The following ST3GAL2 variants were observed in gnomAD, a reference collection of about 807,000 sequenced individuals.
The protein encoded by ST3GAL2 is ST3 beta-galactoside alpha-2,3-sialyltransferase 2.
ST3GAL2 carries 16 observed loss-of-function variants against 37.5 expected under a neutral mutation model. The ratio of observed to expected loss-of-function variants is 0.43; its 90% CI spans 0.29 to 0.65. The LOEUF is 0.65. ST3GAL2 is among the 30% of genes least tolerant of loss of function. The pLI is 0.17. For missense variants in ST3GAL2, 383 were observed against 487.8 expected (o/e 0.79, Z 2.02); for synonymous variants, 238 against 202.9 (o/e 1.17, Z -1.47).
At chr16:70,398,093 G>T in intron 2 of ST3GAL2, 99 bp downstream of exon 2, 1 of 1,273,960 alleles carries the variant, frequency 7.8e-7, no homozygotes, top group Non-Finnish European at 1.1e-6. Flanking sequence ...GGTCAAACAG[G>T]CATTTTGTCA....
chr16:70,395,736 T>A (rs1167632769), intron 2 of ST3GAL2, among the ~76,000 whole-genome samples: 1 of 151,790 alleles, frequency 6.6e-6, no homozygotes, highest in Non-Finnish European at 1.5e-5. Context: ...CAACTAATGG[T>A]CAAAGACCAT....
intron 5 of ST3GAL2, 82 bp downstream of exon 5, chr16:70,383,108 G>T: frequency 6.3e-7 from 1 of 1,592,012 alleles, no homozygotes. Flanking sequence ...CAGGGGAAAT[G>T]GAACACCTGA....
rs1033354366 is a variant in ST3GAL2 at position 70,435,539 on chromosome 16, G to C, written c.-1004+3410C>G. On this transcript the variant is annotated intron_variant, in intron 1 of 6. Transcript: ENST00000342907. ...CTTGAACCCGGGAGGTGGAGGTTGC[G>C]GTGAGCCGACATCGTGCCATTGCAT... 2.0e-5 allele frequency among the ~76,000 whole-genome samples: 3 copies of C among 151,694 alleles called. No individual in the cohort carries two copies. In the South Asian group the frequency reaches 6.2e-4, roughly 32 times the overall value.
At chr16:70,390,366 C>T (rs2047474590) in intron 3 of ST3GAL2, among the ~76,000 whole-genome samples, 1 of 152,224 alleles carries the variant, frequency 6.6e-6, no homozygotes, top group Non-Finnish European at 1.5e-5. Flanking sequence ...TGACACCAGG[C>T]CTGGCCTTTT....
chr16:70,424,052 C>T (rs1043974990), intron 1 of ST3GAL2, among the ~76,000 whole-genome samples: 8 of 151,364 alleles, frequency 5.3e-5, no homozygotes, highest in African/African-American at 9.7e-5. Context: ...AGTGAGACTT[C>T]GTCTCAAAAA....
intron 1 of ST3GAL2, among the ~76,000 whole-genome samples, chr16:70,413,971 T>A (rs930518701): frequency 6.6e-6 from 1 of 152,166 alleles, no homozygotes; most frequent in Non-Finnish European, 1.5e-5. Context: ...CTTTCTTCCT[T>A]GTGTTCTTGT....
intron 1 of ST3GAL2, among the ~76,000 whole-genome samples, chr16:70,404,851 G>C (rs1334923184): frequency 1.3e-5 from 2 of 152,096 alleles, no homozygotes; most frequent in Non-Finnish European, 2.9e-5. Flanking sequence ...GGCCAACTTG[G>C]TGAAACCCCA....
In ST3GAL2 at chr16:70,394,896, T is replaced by G. The variant is rs890797375; in HGVS notation, c.533+86A>C. ...CACAGCACACCGGTAGCTGGCAGCA[T>G]GCACCCTGCCAGACAAGGCAGAGGA... On this transcript the variant is annotated intron_variant, in intron 3 of 6. Transcript: ENST00000342907. 11 of 1,472,434 alleles carry G rather than the reference T, an allele frequency of 7.5e-6. No homozygotes were observed. The African/African-American group carries it at 1.4e-4, about 19-fold the overall frequency. The allele number at this position is 1,472,434 out of a possible 1,614,324, so 91.2% of individuals were successfully genotyped here. A position where few individuals can be genotyped will look rare whatever the true frequency, so the allele number is the denominator to read the frequency against.
chr16:70,404,527 C>A (rs2047576140), intron 1 of ST3GAL2, among the ~76,000 whole-genome samples: 1 of 152,094 alleles, frequency 6.6e-6, no homozygotes, highest in African/African-American at 2.4e-5. Context: ...GTGGCTGTAA[C>A]CAACAAGACA....
intron 4 of ST3GAL2, among the ~76,000 whole-genome samples, chr16:70,383,503 G>C (rs1453980110): frequency 7.1e-6 from 1 of 140,348 alleles, no homozygotes; most frequent in African/African-American, 2.6e-5. Flanking sequence ...AGTGCGCCGA[G>C]ATCACACCAC....
At chr16:70,408,925 A>AAAAAAAAAAAAAAAAAAAAAAAAC (rs2047615079) in intron 1 of ST3GAL2, among the ~76,000 whole-genome samples, 1 of 133,694 alleles carries the variant, frequency 7.5e-6, no homozygotes, top group Non-Finnish European at 1.6e-5. Context: ...AAAAAAAAAA[A>AAAAAAAAAAAAAAAAAAAAAAAAC]AAGAAAGAAA....
chr16:70,410,969 A>C (rs2047634527), intron 1 of ST3GAL2, among the ~76,000 whole-genome samples: 1 of 152,188 alleles, frequency 6.6e-6, no homozygotes, highest in South Asian at 2.1e-4. Context: ...GGCCAAAGCC[A>C]ACCAGCGCCA....
intron 1 of ST3GAL2, among the ~76,000 whole-genome samples, chr16:70,405,567 G>T (rs926077404): frequency 8.7e-5 from 12 of 137,346 alleles, no homozygotes; most frequent in African/African-American, 3.4e-4. Flanking sequence ...AAAAAAAAAA[G>T]GAAAAAAAGG....
rs1380645485 is a variant in ST3GAL2, at chr16:70,398,512, C to A, written c.19G>T (p.Val7Leu). The change falls in exon 2 of 7, where the codon GTG becomes TTG. Residue 7 changes from valine to leucine, a missense_variant. Physicochemically the swap from Val to Leu is conservative, Grantham distance 32. Around this residue, in one of 2 missense-constraint regions of ST3GAL2, gnomAD observed 223 missense variants for 239.1 expected, o/e 0.93. Transcript: ENST00000342907. Reference sequence around the variant, plus strand: ...AGGAAGGCCACGGAGAGGAACCACACCCGCAGGGAGCACTTCATGGTGCCG... The same window carrying A: ...AGGAAGGCCACGGAGAGGAACCACAACCGCAGGGAGCACTTCATGGTGCCG... MKCSLR[V>L]WFLSVAFLLV... is the part of the protein sequence containing the mutation. 1.2e-6 allele frequency: 2 copies of A among 1,607,862 alleles called. No homozygotes were observed. The highest frequency in any genetic ancestry group is 1.7e-4 in the Middle Eastern group (1 of 5,872).
chr16:70,397,220 T>C (rs1027670892), intron 2 of ST3GAL2, among the ~76,000 whole-genome samples: 26 of 151,424 alleles, frequency 1.7e-4, no homozygotes, highest in African/African-American at 6.3e-4. Flanking sequence ...TTTTTTCATT[T>C]TTAGTAGAGA....
intron 1 of ST3GAL2, among the ~76,000 whole-genome samples, chr16:70,416,806 C>T (rs1214589437): frequency 4.0e-5 from 6 of 151,880 alleles, no homozygotes; most frequent in Admixed American, 6.6e-5. Flanking sequence ...AAGGGGTGTG[C>T]GTGTAAAGCT....
intron 1 of ST3GAL2, among the ~76,000 whole-genome samples, chr16:70,402,207 G>C (rs536988760): frequency 1.2e-4 from 17 of 147,464 alleles, no homozygotes; most frequent in South Asian, 1.1e-3. Context: ...GCTGAGGCAG[G>C]AGAATCGCTT....
At chr16:70,425,019 T>C (rs1036717179) in intron 1 of ST3GAL2, among the ~76,000 whole-genome samples, 1 of 152,160 alleles carries the variant, frequency 6.6e-6, no homozygotes, top group Non-Finnish European at 1.5e-5. Flanking sequence ...TGGGGAGAGA[T>C]GGTTCCCCAA....
At chr16:70,430,045 G>A (rs2047778938) in intron 1 of ST3GAL2, among the ~76,000 whole-genome samples, 1 of 152,206 alleles carries the variant, frequency 6.6e-6, no homozygotes, top group Admixed American at 6.5e-5. Flanking sequence ...TGCCCCCTGA[G>A]AATAACAAGC....
Sources: allele counts gnomAD v4.1 joint callset (sites outside exome capture counted in the v4.1 genomes callset), GRCh38; gene constraint gnomAD v4.1.1; regional missense constraint gnomAD v4.1.1; transcripts MANE v1.5; gene names NCBI Gene and HGNC (gene_info 2026-07-23, HGNC 2026-07-21).